TACR1: variants seen among roughly 807,000 people sequenced by gnomAD.
TACR1 encodes the protein substance-P receptor.
TACR1 carries 25 observed loss-of-function variants against 35.8 expected under a neutral mutation model. The observed-to-expected ratio is 0.70, with a 90% CI of 0.51 to 0.98. The LOEUF is 0.98. Ranked by LOEUF, TACR1 falls within the 50% of genes least tolerant of loss-of-function variation. The pLI, the probability that TACR1 is intolerant of heterozygous loss-of-function variation, is 0.00. For missense variants in TACR1, 478 were observed against 522.9 expected, an observed-to-expected ratio of 0.91 and a Z score of 0.84; for synonymous variants, 195 against 206.7, an observed-to-expected ratio of 0.94 and a Z score of 0.48.
At chr2:75,186,135 AG>A (rs1675689814) in intron 1 of TACR1, among the ~76,000 whole-genome samples, 1 of 152,156 alleles carries the variant, frequency 6.6e-6, no homozygotes, top group African/African-American at 2.4e-5. Context: ...GCACTTTGGG[AG>A]GCTGAGGCGG....
chr2:75,178,780 T>C (rs547680968), intron 1 of TACR1, among the ~76,000 whole-genome samples: 1 of 152,358 alleles, frequency 6.6e-6, no homozygotes, highest in East Asian at 1.9e-4. Context: ...AATGCTTTCT[T>C]ATTTAACTTC....
In TACR1 at chr2:75,096,412, T is replaced by C. The variant is rs988790079; in HGVS notation, c.584+24162A>G. Among the ~76,000 whole-genome samples, 3 of 152,306 alleles carry C rather than the reference T, an allele frequency of 2.0e-5. No individual in the cohort carries two copies. In the East Asian group the frequency reaches 5.8e-4, roughly 29 times the overall value. On this transcript the variant is annotated intron_variant, in intron 2 of 4. Coordinates refer to ENST00000305249, the MANE Select transcript of TACR1 (RefSeq NM_001058.4). ...GCATGAAAGGGTGCCAGATTTGGATTTGGAAGATCTGGATTTAAATCCTGG... is the reference window on the plus strand; with the variant it reads ...GCATGAAAGGGTGCCAGATTTGGATCTGGAAGATCTGGATTTAAATCCTGG...
At chr2:75,066,258 G>A (rs1672761203) in intron 2 of TACR1, among the ~76,000 whole-genome samples, 2 of 152,328 alleles carry the variant, frequency 1.3e-5, no homozygotes, top group East Asian at 3.9e-4. Context: ...AAATTAAGGT[G>A]TAAGGAAGGT....
chr2:75,148,471 A>G (rs1470995888), intron 1 of TACR1, among the ~76,000 whole-genome samples: 3 of 152,164 alleles, frequency 2.0e-5, no homozygotes, highest in African/African-American at 2.4e-5. Context: ...CTAATGATCA[A>G]TGATGTTAAG....
chr2:75,114,022 A>G (rs1417369904), intron 2 of TACR1, among the ~76,000 whole-genome samples: 1 of 152,224 alleles, frequency 6.6e-6, no homozygotes, highest in African/African-American at 2.4e-5. Flanking sequence ...ATAATGAATC[A>G]TAATATACAA....
intron 2 of TACR1, among the ~76,000 whole-genome samples, chr2:75,110,043 T>C (rs1293080610): frequency 2.6e-5 from 4 of 152,184 alleles, no homozygotes; most frequent in African/African-American, 9.6e-5. Context: ...CATATACATG[T>C]CTTCTGGTGC....
At chr2:75,135,107 A>C (rs1674252561) in intron 1 of TACR1, among the ~76,000 whole-genome samples, 1 of 152,118 alleles carries the variant, frequency 6.6e-6, no homozygotes, top group Non-Finnish European at 1.5e-5. Flanking sequence ...GGACTTCCTT[A>C]GTTTGGATTC....
In TACR1 at chr2:75,122,695, C is replaced by G. The variant is rs1306860935; in HGVS notation, c.390-1927G>C. On this transcript the variant is annotated intron_variant, in intron 1 of 4. Coordinates refer to ENST00000305249, the MANE Select transcript of TACR1 (RefSeq NM_001058.4). ...TCTATAAATCTCTGGGCAAGTTTCC[C>G]TGGTTCTGTTGATACTATAAAGCCT... is the stretch of plus-strand genomic sequence containing the variant. Among the ~76,000 whole-genome samples the G allele has an allele frequency of 4.6e-5, 7 of 152,140 alleles. No homozygotes were observed. In the East Asian group the frequency reaches 1.2e-3, roughly 25 times the overall value.
Position 75,116,910 on chromosome 2 carries a change from CA to C in TACR1, c.584+3663del, listed in dbSNP as rs879800639. Among the ~76,000 whole-genome samples, 545 of 137,854 alleles carry C rather than the reference CA, an allele frequency of 4.0e-3. 2 individuals are homozygous for C. The highest frequency in any genetic ancestry group is 0.026 in the Middle Eastern group (7 of 274). 90.4% of individuals were successfully genotyped at this position (137,854 alleles called of 152,430 possible). On this transcript the variant is annotated intron_variant, in intron 2 of 4. Transcript: ENST00000305249. ...GGGAAACAAGAGTGAAACTCCGTCT[CA>C]AAAAAAAAAAAGTATTTTCCAATGT...
At chr2:75,194,831 G>A (rs1675925815) in intron 1 of TACR1, among the ~76,000 whole-genome samples, 1 of 152,168 alleles carries the variant, frequency 6.6e-6, no homozygotes, top group Admixed American at 6.5e-5. Flanking sequence ...AGTGATACCA[G>A]GCCAGTGCTT....
At chr2:75,071,210 A>C (rs376599744) in intron 2 of TACR1, among the ~76,000 whole-genome samples, 1 of 152,202 alleles carries the variant, frequency 6.6e-6, no homozygotes, top group East Asian at 1.9e-4. Flanking sequence ...GCTGTAAGGG[A>C]AAAATCTAAA....
chr2:75,171,149 G>T (rs982567822), intron 1 of TACR1, among the ~76,000 whole-genome samples: 2 of 152,188 alleles, frequency 1.3e-5, no homozygotes, highest in Non-Finnish European at 2.9e-5. Flanking sequence ...ATGGTTTCAT[G>T]GGCTGGGCCA....
At chr2:75,051,588 A>G (rs913948325) in intron 3 of TACR1, 141 bp from the exon 4 acceptor site, 1 of 1,477,892 alleles carries the variant, frequency 6.8e-7, no homozygotes, top group Non-Finnish European at 9.0e-7. Flanking sequence ...AAGGAGGAGA[A>G]AGGATCTTTA....
At chr2:75,135,341 A>T (rs1300761154) in intron 1 of TACR1, among the ~76,000 whole-genome samples, 1 of 152,254 alleles carries the variant, frequency 6.6e-6, no homozygotes, top group Admixed American at 6.5e-5. Flanking sequence ...ATATGCATGA[A>T]GGGACTAGAC....
intron 2 of TACR1, among the ~76,000 whole-genome samples, chr2:75,057,445 C>T (rs1353912733): frequency 1.3e-5 from 2 of 152,220 alleles, no homozygotes; most frequent in African/African-American, 4.8e-5. Flanking sequence ...GTTGCTCACA[C>T]AAAACCTGTT....
At chr2:75,054,258 A>G (rs1672530974) in intron 2 of TACR1, among the ~76,000 whole-genome samples, 1 of 152,242 alleles carries the variant, frequency 6.6e-6, no homozygotes, top group African/African-American at 2.4e-5. Flanking sequence ...TAGTACGTTC[A>G]GTTGAGAACT....
At position 75,046,474 on chromosome 2, in the gene TACR1, A is replaced by G. The variant is rs1054575061; in HGVS notation, c.*2958T>C. The G allele has an allele frequency of 2.0e-5, 3 of 152,208 alleles. No homozygotes were observed. The highest frequency in any genetic ancestry group is 4.4e-5 in the Non-Finnish European group (3 of 68,040). 9.4% of individuals were successfully genotyped at this position (152,208 alleles called of 1,614,324 possible). ...ACAGAGGCACGAGAGAGTGAAACAC[A>G]TACTTTATTTCTGTATAAAGATTCT... is the stretch of plus-strand genomic sequence containing the variant. On this transcript the variant is annotated 3_prime_UTR_variant, in exon 5 of 5. Coordinates refer to ENST00000305249, the MANE Select transcript of TACR1 (RefSeq NM_001058.4).
intron 1 of TACR1, among the ~76,000 whole-genome samples, chr2:75,163,468 G>C (rs1370152010): frequency 6.6e-6 from 1 of 152,104 alleles, no homozygotes; most frequent in African/African-American, 2.4e-5. Flanking sequence ...TGTTTCATAG[G>C]CATATATTCT....
At chr2:75,134,285 G>A (rs995624317) in intron 1 of TACR1, among the ~76,000 whole-genome samples, 5 of 152,100 alleles carry the variant, frequency 3.3e-5, no homozygotes, top group East Asian at 1.9e-4. Context: ...GGCCTGGATC[G>A]GGATGCCTTT....
Sources: allele counts gnomAD v4.1 joint callset (sites outside exome capture counted in the v4.1 genomes callset), GRCh38; gene constraint gnomAD v4.1.1; transcripts MANE v1.5; gene names NCBI Gene and HGNC (gene_info 2026-07-23, HGNC 2026-07-21).